The following SUPV3L1 variants were observed in gnomAD, a reference collection of about 807,000 sequenced individuals.
SUPV3L1 encodes ATP-dependent RNA helicase SUPV3L1, mitochondrial.
In SUPV3L1, 35 loss-of-function variants were observed where a neutral mutation model predicts 70.0. That is an observed-to-expected ratio of 0.50 (90% CI 0.38 to 0.66). SUPV3L1 has a LOEUF of 0.66. Ranked by LOEUF, SUPV3L1 falls within the 30% of genes least tolerant of loss-of-function variation. SUPV3L1 has a pLI of 0.00. For synonymous variants in SUPV3L1, 364 were observed against 341.9 expected (o/e 1.06, Z -0.71); for missense variants, 777 against 961.5 (o/e 0.81, Z 2.54).
Position 69,189,340 on chromosome 10 carries a change from C to A in SUPV3L1, c.646C>A (p.His216Asn). The A allele has an allele frequency of 1.2e-6, 2 of 1,614,138 alleles. No homozygotes were observed. Among genetic ancestry groups the A allele is most frequent in the Non-Finnish European group, 1.7e-6 (2 of 1,180,012 alleles). ...SGPTNSGKTYHAIQKYFSAKS... is the reference protein window; with the variant it reads ...SGPTNSGKTYNAIQKYFSAKS... ...CCCCACAAACAGTGGAAAGACTTAT[C>A]ACGCAATCCAGAAATACTTCTCAGC... Residue 216 changes from histidine to asparagine, a missense_variant, in exon 5 of 15, where the codon CAC becomes AAC. Transcript: ENST00000359655.
At chr10:69,195,351 T>A in intron 7 of SUPV3L1, 86 bp downstream of exon 7, 1 of 928,650 alleles carries the variant, frequency 1.1e-6, no homozygotes, top group Non-Finnish European at 1.6e-6. Context: ...GCCAACCAAA[T>A]AGAGTCACCT....
chr10:69,199,113 T>C lies in SUPV3L1; in HGVS notation c.1214T>C (p.Leu405Pro). Residue 405 changes from leucine to proline, a missense_variant, in exon 10 of 15, where the codon CTT becomes CCT. Leu to Pro is a moderately conservative substitution (Grantham distance 98). This residue lies in a region of SUPV3L1 where 619 missense variants were observed against 823.3 expected (regional missense o/e 0.75). Coordinates refer to ENST00000359655, the MANE Select transcript of SUPV3L1 (RefSeq NM_003171.5). ...ATTGTTCTTGTTTTAGGGACCAAAC[T>C]TGCTCAAGCAAAAAAGTTTAATGAT... Reference protein sequence around the residue: ...IYGSLPPGTKLAQAKKFNDPN... With the variant: ...IYGSLPPGTKPAQAKKFNDPN... 1.2e-6 allele frequency: 2 copies of C among 1,611,094 alleles called. No individual in the cohort carries two copies. The highest frequency in any genetic ancestry group is 2.2e-5 in the East Asian group (1 of 44,792).
chr10:69,186,097 T>C (rs1299306051), intron 2 of SUPV3L1, 33 bp downstream of exon 2: 1 of 1,566,956 alleles, frequency 6.4e-7, no homozygotes, highest in Non-Finnish European at 8.8e-7. Flanking sequence ...AGAGGTATTT[T>C]ATTACCTCTT....
intron 1 of SUPV3L1, among the ~76,000 whole-genome samples, chr10:69,181,010 A>G (rs1842041091): frequency 6.6e-6 from 1 of 152,148 alleles, no homozygotes; most frequent in African/African-American, 2.4e-5. Flanking sequence ...GTGGTTGCCA[A>G]GAGGAACCAG....
intron 2 of SUPV3L1, 126 bp downstream of exon 2, chr10:69,186,190 C>G: frequency 1.1e-6 from 1 of 901,840 alleles, no homozygotes; most frequent in South Asian, 1.6e-5. Context: ...CTCTTTGCTT[C>G]TGGCTGAGTG....
intron 13 of SUPV3L1, 39 bp from the exon 14 acceptor site, chr10:69,207,754 T>C (rs779245208): frequency 1.3e-6 from 2 of 1,587,952 alleles, no homozygotes; most frequent in African/African-American, 1.4e-5. Context: ...AAGGGAATTC[T>C]GACACTTCTC....
At position 69,180,256 on chromosome 10, in the gene SUPV3L1, G is replaced by C; in HGVS notation, c.-36G>C. On this transcript the variant is annotated 5_prime_UTR_variant, in exon 1 of 15. Transcript: ENST00000359655. ...CGCGTCACTGTCCGCCGCCGTGTCC[G>C]CGGCTGCGCCAGACAGTGTAGAACC... 1 of 1,588,890 alleles carries C rather than the reference G, an allele frequency of 6.3e-7. No homozygotes were observed. Among genetic ancestry groups the C allele is most frequent in the African/African-American group, 1.3e-5 (1 of 74,298 alleles).
intron 13 of SUPV3L1, 64 bp downstream of exon 13, chr10:69,203,107 C>A: frequency 6.8e-7 from 1 of 1,470,758 alleles, no homozygotes; most frequent in Non-Finnish European, 9.1e-7. Context: ...CCAAACAGTA[C>A]TTTGTTATTC....
intron 1 of SUPV3L1, among the ~76,000 whole-genome samples, chr10:69,183,415 G>C (rs1268717844): frequency 6.6e-6 from 1 of 152,128 alleles, no homozygotes; most frequent in African/African-American, 2.4e-5. Flanking sequence ...GCAGTGTCTC[G>C]TGCCTGCAAT....
At chr10:69,194,151 C>CA (rs978124649) in intron 6 of SUPV3L1, among the ~76,000 whole-genome samples, 6 of 151,730 alleles carry the variant, frequency 4.0e-5, no homozygotes, top group African/African-American at 1.2e-4. Flanking sequence ...TCTTAGATTG[C>CA]AAAAAAACAG....
chr10:69,208,463 TG>T, intron 14 of SUPV3L1, 136 bp from the exon 15 acceptor site: 1 of 953,576 alleles, frequency 1.0e-6, no homozygotes, highest in Non-Finnish European at 1.6e-6. Flanking sequence ...AAATCAAGGT[TG>T]AGCAAAGGCA....
chr10:69,199,967 C>G (rs1356791065), intron 10 of SUPV3L1, among the ~76,000 whole-genome samples: 3 of 152,132 alleles, frequency 2.0e-5, no homozygotes, highest in Non-Finnish European at 4.4e-5. Context: ...GCCTCAGCCC[C>G]CCGAGTACTA....
Position 69,202,421 on chromosome 10 carries a change from T to G in SUPV3L1, c.1519-18T>G. The G allele has an allele frequency of 6.3e-7, 1 of 1,596,886 alleles. No homozygotes were observed. The highest frequency in any genetic ancestry group is 8.5e-7 in the Non-Finnish European group (1 of 1,173,992). ...AAAAAAAAAATCAGCTTATGATTGT[T>G]TTTTCTTTTACTAAAAGGCAGCTGG... On this transcript the variant is annotated intron_variant, in intron 11 of 14. Transcript: ENST00000359655.
intron 4 of SUPV3L1, 102 bp from the exon 5 acceptor site, chr10:69,189,165 A>G (rs888142792): frequency 1.6e-6 from 2 of 1,246,888 alleles, no homozygotes; most frequent in Admixed American, 5.2e-5. Flanking sequence ...GATCTTGTGA[A>G]CATTAAGAGG....
At chr10:69,207,767 A>G in intron 13 of SUPV3L1, 26 bp from the exon 14 acceptor site, 1 of 1,599,140 alleles carries the variant, frequency 6.3e-7, no homozygotes. Flanking sequence ...CACTTCTCTG[A>G]AACCCTTTTC....
chr10:69,187,573 A>G (rs1416860474), intron 3 of SUPV3L1, 69 bp from the exon 4 acceptor site: 9 of 1,173,502 alleles, frequency 7.7e-6, no homozygotes, highest in Non-Finnish European at 9.8e-6. Flanking sequence ...TTAAGAAAAA[A>G]GATTTCACTA....
At chr10:69,201,508 T>C (rs943036215) in intron 11 of SUPV3L1, among the ~76,000 whole-genome samples, 2 of 151,752 alleles carry the variant, frequency 1.3e-5, no homozygotes, top group African/African-American at 2.4e-5. Context: ...TGGAAAATGG[T>C]TTTACCCTGG....
chr10:69,185,804 C>A (rs1403697712), intron 1 of SUPV3L1, among the ~76,000 whole-genome samples, 183 bp from the exon 2 acceptor site: 1 of 152,094 alleles, frequency 6.6e-6, no homozygotes, highest in South Asian at 2.1e-4. Context: ...CCGGCCAACT[C>A]GATCATTTTT....
Position 69,198,538 on chromosome 10 carries a change from G to A in SUPV3L1, c.1190G>A (p.Gly397Asp). The A allele has an allele frequency of 6.2e-7, 1 of 1,613,650 alleles. No individual in the cohort carries two copies. The highest frequency in any genetic ancestry group is 8.5e-7 in the Non-Finnish European group (1 of 1,179,906). The change falls in exon 9 of 15, where the codon GGC becomes GAC. Residue 397 changes from glycine to aspartate, a missense_variant. Gly to Asp is a moderately conservative substitution (Grantham distance 94). This residue lies in a region of SUPV3L1 where 619 missense variants were observed against 823.3 expected (regional missense o/e 0.75). Transcript: ENST00000359655. ...IRGLESAVIYGSLPPGTKLAQ... is the reference protein window; with the variant it reads ...IRGLESAVIYDSLPPGTKLAQ... ...GGATTAGAATCAGCTGTTATATATG[G>A]CAGTCTCCCACCTGGTAATTATTGA...
Sources: gnomAD v4.1 joint callset for allele counts (sites outside exome capture counted in the v4.1 genomes callset) on GRCh38, gnomAD v4.1.1 for gene constraint, gnomAD v4.1.1 regional missense constraint, MANE v1.5 for transcripts, NCBI Gene and HGNC (gene_info 2026-07-23, HGNC 2026-07-21) for gene names.